The following IQGAP2 variants were observed in gnomAD, a reference collection of about 807,000 sequenced individuals.
IQGAP2 encodes ras GTPase-activating-like protein IQGAP2.
Under a neutral mutation model 201.3 loss-of-function variants are expected in IQGAP2, and 173 were observed. That is an observed-to-expected ratio of 0.86 (90% CI 0.76 to 0.98). The LOEUF is 0.98. Ranked by LOEUF, IQGAP2 falls within the 50% of genes least tolerant of loss-of-function variation. The pLI is 0.00. For synonymous variants in IQGAP2, 675 were observed against 673.9 expected, an observed-to-expected ratio of 1.00 and a Z score of -0.03; for missense variants, 1,687 against 1,864.8, an observed-to-expected ratio of 0.90 and a Z score of 1.76.
intron 1 of IQGAP2, among the ~76,000 whole-genome samples, chr5:76,439,677 T>C (rs1752921053): frequency 6.6e-6 from 1 of 152,196 alleles, no homozygotes; most frequent in African/African-American, 2.4e-5. Flanking sequence ...ACTCTTGCTC[T>C]CTTTTGGTTT....
intron 21 of IQGAP2, among the ~76,000 whole-genome samples, chr5:76,661,182 T>C (rs1168088280): frequency 1.3e-5 from 2 of 152,062 alleles, no homozygotes; most frequent in African/African-American, 2.4e-5. Flanking sequence ...TTTGTTCTTA[T>C]AGAACAATGC....
In IQGAP2 at chr5:76,668,714, C is replaced by T. The variant is rs747453988; in HGVS notation, c.2713C>T (p.Gln905Ter). The T allele has an allele frequency of 6.2e-7, 1 of 1,611,252 alleles. No homozygotes were observed. Among genetic ancestry groups the T allele is most frequent in the Admixed American group, 1.7e-5 (1 of 59,672 alleles). The stretch of plus-strand genomic sequence containing the variant: ...TTTATACTTGGCTAAGCTGATTTTC[C>T]AGATGCCACAGAACAAGTCCACTAA... ...NPLYLAKLIF[Q>*]MPQNKSTKFM... Residue 905 changes from glutamine (Q) to a stop codon, truncating the protein, a stop_gained, in exon 23 of 36, where the codon CAG becomes TAG. Coordinates refer to ENST00000274364, the MANE Select transcript of IQGAP2 (RefSeq NM_006633.5). LOFTEE classifies it high-confidence loss of function.
Position 76,658,585 on chromosome 5 carries a change from G to C in IQGAP2, c.2447G>C (p.Arg816Thr). ...RLREEVVTKI[R>T]ANQQLEKDLN... is the part of the protein sequence containing the mutation. ...AGGGAAGAAGTAGTGACCAAGATCA[G>C]GGCCAATCAACAGCTGGAAAAAGAC... is the stretch of plus-strand genomic sequence containing the variant. The change falls in exon 21 of 36, where the codon AGG becomes ACG. Residue 816 changes from arginine (R) to threonine (T), a missense_variant. By Grantham distance (71) the Arg-to-Thr change is moderately conservative. Transcript: ENST00000274364. 1 of 1,614,070 alleles carries C rather than the reference G, an allele frequency of 6.2e-7. No homozygotes were observed. The highest frequency in any genetic ancestry group is 8.5e-7 in the Non-Finnish European group (1 of 1,180,000).
chr5:76,558,924 G>A (rs998551149), intron 2 of IQGAP2, among the ~76,000 whole-genome samples: 3 of 151,524 alleles, frequency 2.0e-5, no homozygotes, highest in East Asian at 1.9e-4. Flanking sequence ...TTTTTGAGAC[G>A]GAGTCTCGCT....
intron 1 of IQGAP2, among the ~76,000 whole-genome samples, chr5:76,406,376 C>A (rs1750797877): frequency 6.6e-6 from 1 of 152,126 alleles, no homozygotes; most frequent in Non-Finnish European, 1.5e-5. Context: ...ATCTGTGAAG[C>A]TATTTTTGTA....
intron 2 of IQGAP2, among the ~76,000 whole-genome samples, chr5:76,496,730 TTTC>T (rs1272261477): frequency 0.057 from 2,706 of 47,740 alleles, 51 homozygotes; most frequent in Middle Eastern, 0.091. Context: ...CTTTCTTTTC[TTTC>T]TTTCTTTCTT....
intron 2 of IQGAP2, among the ~76,000 whole-genome samples, chr5:76,498,303 A>T (rs889846160): frequency 6.6e-5 from 10 of 152,208 alleles, no homozygotes; most frequent in African/African-American, 1.9e-4. Flanking sequence ...GGACTTTTCA[A>T]TGTTTTTGTA....
At chr5:76,671,726 C>A in intron 23 of IQGAP2, 33 bp from the exon 24 acceptor site, 1 of 1,416,574 alleles carries the variant, frequency 7.1e-7, no homozygotes, top group Non-Finnish European at 9.8e-7. Context: ...TCCATGGAAG[C>A]AAACCATTTT....
At chr5:76,549,577 A>G (rs976876349) in intron 2 of IQGAP2, among the ~76,000 whole-genome samples, 2 of 152,144 alleles carry the variant, frequency 1.3e-5, no homozygotes, top group Non-Finnish European at 2.9e-5. Flanking sequence ...AAAATACCAC[A>G]GATTGGGAGG....
intron 2 of IQGAP2, among the ~76,000 whole-genome samples, chr5:76,559,286 T>C (rs1744169782): frequency 6.6e-6 from 1 of 152,180 alleles, no homozygotes; most frequent in Non-Finnish European, 1.5e-5. Context: ...TTCCTTCCCG[T>C]TTCTTCCTGG....
intron 13 of IQGAP2, among the ~76,000 whole-genome samples, chr5:76,614,055 G>A (rs568649220): frequency 6.6e-6 from 1 of 152,280 alleles, no homozygotes; most frequent in Admixed American, 6.5e-5. Context: ...ATCTTCTGAG[G>A]ACAAATAGAG....
intron 2 of IQGAP2, among the ~76,000 whole-genome samples, chr5:76,529,051 A>T (rs1479525189): frequency 1.3e-5 from 2 of 152,212 alleles, no homozygotes; most frequent in Non-Finnish European, 2.9e-5. Flanking sequence ...GGCAGATAGC[A>T]TTCATGAGCT....
At chr5:76,611,496 G>C (rs1234440328) in intron 13 of IQGAP2, among the ~76,000 whole-genome samples, 1 of 152,144 alleles carries the variant, frequency 6.6e-6, no homozygotes, top group Non-Finnish European at 1.5e-5. Context: ...CATAGCTTCT[G>C]GTAGAGAAGA....
intron 22 of IQGAP2, among the ~76,000 whole-genome samples, chr5:76,667,166 G>GAATA: frequency 6.6e-6 from 1 of 152,120 alleles, no homozygotes; most frequent in South Asian, 2.1e-4. Flanking sequence ...ATGGTGAGTA[G>GAATA]GCATCTTTCT....
intron 8 of IQGAP2, among the ~76,000 whole-genome samples, chr5:76,591,063 C>T (rs1580537466): frequency 6.6e-6 from 1 of 152,176 alleles, no homozygotes; most frequent in East Asian, 1.9e-4. Context: ...TGCCACTGCA[C>T]TCCAGCCTGG....
chr5:76,623,200 G>A (rs754540183), intron 13 of IQGAP2: 12 of 1,614,070 alleles, frequency 7.4e-6, no homozygotes, highest in Non-Finnish European at 9.3e-6. Context: ...AGAAGCAGGA[G>A]GCCAGCAGCT....
intron 10 of IQGAP2, among the ~76,000 whole-genome samples, chr5:76,598,767 T>C (rs944237536): frequency 8.5e-5 from 13 of 152,256 alleles, no homozygotes; most frequent in African/African-American, 3.1e-4. Flanking sequence ...TTTAGAATAC[T>C]GAAAACCAGG....
intron 30 of IQGAP2, among the ~76,000 whole-genome samples, chr5:76,685,899 G>T (rs1745695916): frequency 2.0e-5 from 3 of 152,160 alleles, no homozygotes; most frequent in South Asian, 4.1e-4. Context: ...TATCAGATGT[G>T]AACCCTGTAC....
At chr5:76,419,317 A>G (rs1228224002) in intron 1 of IQGAP2, among the ~76,000 whole-genome samples, 3 of 149,100 alleles carry the variant, frequency 2.0e-5, no homozygotes, top group Non-Finnish European at 4.5e-5. Context: ...TGGTTGAGAC[A>G]GGGTCTCACT....
Sources: gnomAD v4.1 joint callset for allele counts (sites outside exome capture counted in the v4.1 genomes callset) on GRCh38, gnomAD v4.1.1 for gene constraint, MANE v1.5 for transcripts, NCBI Gene and HGNC (gene_info 2026-07-23, HGNC 2026-07-21) for gene names.